OLR1: variants seen among roughly 807,000 people sequenced by gnomAD.
The protein encoded by OLR1 is oxidized low density lipoprotein receptor 1.
OLR1 carries 23 observed loss-of-function variants against 31.7 expected under a neutral mutation model. That is an observed-to-expected ratio of 0.72 (90% CI 0.52 to 1.03). The LOEUF is 1.03. Ranked by LOEUF, OLR1 falls within the 50% of genes least tolerant of loss-of-function variation. The pLI, the probability that OLR1 is intolerant of heterozygous loss-of-function variation, is 0.00. For synonymous variants in OLR1, 117 were observed against 115.8 expected, an observed-to-expected ratio of 1.01 and a Z score of -0.07; for missense variants, 286 against 315.7, an observed-to-expected ratio of 0.91 and a Z score of 0.71.
intron 1 of OLR1, chr12:10,170,246 T>C (rs1193437683): frequency 6.6e-6 from 1 of 152,212 alleles, no homozygotes; most frequent in African/African-American, 2.4e-5. Context: ...TGTGTTAGAC[T>C]CCACAAATGA....
At position 10,169,119 on chromosome 12, in the gene OLR1, G is replaced by A. The variant is rs768512963; in HGVS notation, c.133C>T (p.Leu45Phe). The A allele has an allele frequency of 1.9e-6, 3 of 1,613,868 alleles. No homozygotes were observed. The highest frequency in any genetic ancestry group is 2.5e-6 in the Non-Finnish European group (3 of 1,179,942). Residue 45 changes from leucine (L) to phenylalanine (F), a missense_variant, in exon 2 of 6, where the codon CTT becomes TTT. Transcript: ENST00000309539. Reference protein sequence around the residue: ...WCLAAATLGVLCLGLVVTIMV... With the variant: ...WCLAAATLGVFCLGLVVTIMV... Reference sequence around the variant, plus strand: ...ATGGTCACTACTAATCCCAGGCAAAGGACCCCTAGAGTCGCAGCAGCCAGG... The same window carrying A: ...ATGGTCACTACTAATCCCAGGCAAAAGACCCCTAGAGTCGCAGCAGCCAGG...
upstream of OLR1, among the ~76,000 whole-genome samples, chr12:10,173,430 C>T (rs1365529590): frequency 1.3e-5 from 2 of 152,068 alleles, no homozygotes. Context: ...TTCCATTTCC[C>T]TCCTCCTCCC....
intron 3 of OLR1, among the ~76,000 whole-genome samples, chr12:10,162,014 G>A (rs965160799): frequency 1.3e-5 from 2 of 151,466 alleles, no homozygotes; most frequent in African/African-American, 4.9e-5. Context: ...TATAAAGCGA[G>A]GATCTCAATT....
intron 1 of OLR1, chr12:10,170,531 G>A (rs1016059510): frequency 2.3e-4 from 28 of 122,140 alleles, no homozygotes; most frequent in Non-Finnish European, 1.3e-4. Context: ...CTTGCTCTTC[G>A]CCCAGGCTGG....
At chr12:10,160,156 G>T (rs1948607953) in intron 5 of OLR1, 135 bp from the exon 6 acceptor site, 6 of 1,041,744 alleles carry the variant, frequency 5.8e-6, no homozygotes, top group Admixed American at 2.6e-5. Flanking sequence ...GAAAACTCAA[G>T]AAAATGTCTG....
At chr12:10,175,993 A>G (rs1948762856), upstream of OLR1, among the ~76,000 whole-genome samples, 1 of 152,222 alleles carries the variant, frequency 6.6e-6, no homozygotes, top group South Asian at 2.1e-4. Flanking sequence ...CTCTATGTAC[A>G]TGCACCCTCT....
At chr12:10,164,661 A>G (rs1367299902) in intron 3 of OLR1, among the ~76,000 whole-genome samples, 1 of 152,192 alleles carries the variant, frequency 6.6e-6, no homozygotes, top group Non-Finnish European at 1.5e-5. Flanking sequence ...AAGGAAACAA[A>G]GTACCTCTGA....
At chr12:10,167,008 T>C (rs747071587) in intron 2 of OLR1, 51 bp from the exon 3 acceptor site, 14 of 1,544,438 alleles carry the variant, frequency 9.1e-6, no homozygotes, top group Admixed American at 2.1e-5. Context: ...TAAAAATCCC[T>C]CCAGGGACTT....
At chr12:10,162,720 T>G (rs1476981067) in intron 3 of OLR1, among the ~76,000 whole-genome samples, 1 of 152,080 alleles carries the variant, frequency 6.6e-6, no homozygotes, top group Non-Finnish European at 1.5e-5. Flanking sequence ...CTCAGCTACT[T>G]AGGAGACTGA....
upstream of OLR1, among the ~76,000 whole-genome samples, chr12:10,173,078 T>A (rs908519646): frequency 3.9e-5 from 6 of 152,170 alleles, no homozygotes; most frequent in Admixed American, 1.3e-4. Context: ...ACAGTTGAAT[T>A]ACCCATCAAA....
chr12:10,172,024 C>T lies in OLR1; in HGVS notation c.54G>A (p.Lys18=). The T allele has an allele frequency of 6.2e-7, 1 of 1,613,760 alleles. No individual in the cohort carries two copies. Among genetic ancestry groups the T allele is most frequent in the Non-Finnish European group, 8.5e-7 (1 of 1,179,762 alleles). ...TACCTTTAGCTTTTTTTCCATTTGA[C>T]TTCTCATCAGGCTGGTCCTTCACAG... ...IQTVKDQPDE[K]SNGKKAKGLQ... is the part of the protein sequence containing the mutation. The change falls in exon 1 of 6, where the codon AAG becomes AAA. Residue 18 remains lysine, a synonymous_variant. Transcript: ENST00000309539.
intron 3 of OLR1, among the ~76,000 whole-genome samples, chr12:10,161,402 T>C (rs1159077787): frequency 6.6e-6 from 1 of 152,250 alleles, no homozygotes; most frequent in African/African-American, 2.4e-5. Context: ...AGATATTTAA[T>C]AGCCATTCTG....
In OLR1 at chr12:10,159,568, TAAA is replaced by T. The variant is rs1329519369; in HGVS notation, c.*309_*311del. 1.4e-5 allele frequency: 3 copies of T among 210,420 alleles called. No individual in the cohort carries two copies. The highest frequency in any genetic ancestry group is 6.8e-5 in the African/African-American group (3 of 44,306). The allele number at this position is 210,420 out of a possible 1,614,324, so 13.0% of individuals were successfully genotyped here. On this transcript the variant is annotated 3_prime_UTR_variant, in exon 6 of 6. Transcript: ENST00000309539. ...GTGTGAGGGGAAGGTGATAATGAGG[TAAA>T]GAAGACTGAGTTCAGAGGGTTTTCA...
chr12:10,169,485 A>G (rs936130342), intron 1 of OLR1, among the ~76,000 whole-genome samples: 1 of 152,216 alleles, frequency 6.6e-6, no homozygotes, highest in Non-Finnish European at 1.5e-5. Context: ...TAAAGCTTAT[A>G]CTTTATCTAC....
At chr12:10,161,048 GT>G in intron 3 of OLR1, 123 bp from the exon 4 acceptor site, 1 of 1,083,816 alleles carries the variant, frequency 9.2e-7, no homozygotes. Flanking sequence ...TTTTGTTTTT[GT>G]TTTTGTATTT....
At chr12:10,173,556 G>A (rs945160460), upstream of OLR1, among the ~76,000 whole-genome samples, 2 of 148,828 alleles carry the variant, frequency 1.3e-5, no homozygotes, top group Non-Finnish European at 3.0e-5. Flanking sequence ...GAGGGGGGGG[G>A]TGGATCACTG....
chr12:10,166,255 C>T lies in OLR1; in HGVS notation c.424+457G>A, dbSNP rs528810074. On this transcript the variant is annotated intron_variant, in intron 3 of 5. Transcript: ENST00000309539. ...AAATAAATAAAAAATTGACCGAGAG[C>T]GGTGGCTCATGCCTGTAATCCTAGC... Among the ~76,000 whole-genome samples the T allele has an allele frequency of 2.8e-3, 428 of 151,848 alleles. 2 individuals carry two copies. The highest frequency in any genetic ancestry group is 9.4e-3 in the African/African-American group (388 of 41,424).
At chr12:10,166,526 TAA>T (rs111536572) in intron 3 of OLR1, among the ~76,000 whole-genome samples, 184 bp downstream of exon 3, 6 of 134,916 alleles carry the variant, frequency 4.4e-5, no homozygotes, top group Non-Finnish European at 3.2e-5. Flanking sequence ...AAACTCCATC[TAA>T]AAAAAAAAAA....
At chr12:10,173,763 TAA>T (rs5796383), upstream of OLR1, among the ~76,000 whole-genome samples, 165 of 130,244 alleles carry the variant, frequency 1.3e-3, no homozygotes, top group East Asian at 1.7e-3. Flanking sequence ...AGACTCCCTT[TAA>T]AAAAAAAAAA....
Sources: allele counts gnomAD v4.1 joint callset (sites outside exome capture counted in the v4.1 genomes callset), GRCh38; gene constraint gnomAD v4.1.1; transcripts MANE v1.5; gene names NCBI Gene and HGNC (gene_info 2026-07-23, HGNC 2026-07-21).